TMEM209: variants seen among roughly 807,000 people sequenced by gnomAD.
The protein encoded by TMEM209 is transmembrane protein 209.
Under a neutral mutation model 76.2 loss-of-function variants are expected in TMEM209, and 65 were observed. The observed-to-expected ratio is 0.85, with a 90% CI of 0.70 to 1.05. TMEM209 has a LOEUF of 1.05. Ranked by LOEUF, TMEM209 falls within the 50% of genes least tolerant of loss-of-function variation. TMEM209 has a pLI of 0.00. For synonymous variants in TMEM209, 239 were observed against 237.6 expected (o/e 1.01, Z -0.06); for missense variants, 623 against 685.5 (o/e 0.91, Z 1.02).
In TMEM209 at chr7:130,192,446, C is replaced by T. The variant is rs1423124039; in HGVS notation, c.775+176G>A. ...GATTTCTTAGTTTAGCTATATTTCACTTCCTAAATTTAGTGAACTTAATTC... is the reference window on the plus strand; with the variant it reads ...GATTTCTTAGTTTAGCTATATTTCATTTCCTAAATTTAGTGAACTTAATTC... On this transcript the variant is annotated intron_variant, in intron 6 of 14. Transcript: ENST00000397622. 32 of 596,940 alleles carry T rather than the reference C, an allele frequency of 5.4e-5. No homozygotes were observed. In the East Asian group the frequency reaches 9.1e-4, roughly 17 times the overall value. 37.0% of individuals were successfully genotyped at this position (596,940 alleles called of 1,614,324 possible).
intron 5 of TMEM209, 173 bp downstream of exon 5, chr7:130,201,677 C>T: frequency 1.2e-6 from 1 of 808,304 alleles, no homozygotes; most frequent in South Asian, 1.9e-5. Flanking sequence ...TTTTCTCTTT[C>T]ATTTTAAGAT....
At chr7:130,169,508 T>C (rs1004960478) in intron 14 of TMEM209, among the ~76,000 whole-genome samples, 20 of 152,362 alleles carry the variant, frequency 1.3e-4, no homozygotes, top group African/African-American at 4.6e-4. Flanking sequence ...TTTTGGGGGC[T>C]GTGTCTTTGA....
intron 13 of TMEM209, among the ~76,000 whole-genome samples, chr7:130,171,592 C>T (rs1473739080): frequency 6.6e-6 from 1 of 152,144 alleles, no homozygotes; most frequent in Non-Finnish European, 1.5e-5. Context: ...AAATATTAAA[C>T]TTGAAGAAAT....
intron 14 of TMEM209, 94 bp downstream of exon 14, chr7:130,170,306 A>C: frequency 9.7e-7 from 1 of 1,034,082 alleles, no homozygotes; most frequent in South Asian, 1.5e-5. Flanking sequence ...CAATCCATAA[A>C]CCTTCAGTTA....
At chr7:130,170,208 T>C (rs1451237366) in intron 14 of TMEM209, among the ~76,000 whole-genome samples, 192 bp downstream of exon 14, 1 of 152,260 alleles carries the variant, frequency 6.6e-6, no homozygotes, top group Non-Finnish European at 1.5e-5. Flanking sequence ...CACTTGCCTT[T>C]TACCAATGGG....
intron 6 of TMEM209, among the ~76,000 whole-genome samples, chr7:130,191,093 G>A (rs986362121): frequency 3.3e-5 from 5 of 151,722 alleles, no homozygotes; most frequent in African/African-American, 4.8e-5. Flanking sequence ...CTTAATTTTC[G>A]AAAACCCATG....
At position 130,192,359 on chromosome 7, in the gene TMEM209, C is replaced by A. The variant is rs371031137; in HGVS notation, c.775+263G>T. The stretch of plus-strand genomic sequence containing the variant: ...TCAAAACATTATTTTGTAGCCTCAA[C>A]TTTAAATAGAAATTGTAACTTACAT... On this transcript the variant is annotated intron_variant, in intron 6 of 14. Transcript: ENST00000397622. 32 of 413,962 alleles carry A rather than the reference C, an allele frequency of 7.7e-5. No homozygotes were observed. The Middle Eastern group carries it at 2.9e-3, about 38-fold the overall frequency. 25.6% of individuals were successfully genotyped at this position (413,962 alleles called of 1,614,324 possible). A position where few individuals can be genotyped will look rare whatever the true frequency, so the allele number is the denominator to read the frequency against.
At chr7:130,191,872 A>T (rs1457932260) in intron 6 of TMEM209, among the ~76,000 whole-genome samples, 1 of 152,210 alleles carries the variant, frequency 6.6e-6, no homozygotes, top group Non-Finnish European at 1.5e-5. Flanking sequence ...ATGTATCAAA[A>T]ATAAGAAGAT....
intron 6 of TMEM209, 35 bp from the exon 7 acceptor site, chr7:130,185,402 G>C (rs759312606): frequency 6.3e-7 from 1 of 1,586,452 alleles, no homozygotes; most frequent in Non-Finnish European, 8.6e-7. Flanking sequence ...TCAGTGTGTT[G>C]TAGCAATTCT....
intron 5 of TMEM209, among the ~76,000 whole-genome samples, chr7:130,197,214 A>G (rs1038281037): frequency 6.6e-6 from 1 of 152,250 alleles, no homozygotes; most frequent in Admixed American, 6.5e-5. Flanking sequence ...TATTCCCAAA[A>G]GCCAAAAGGT....
chr7:130,195,434 T>C (rs746820254), intron 5 of TMEM209, among the ~76,000 whole-genome samples: 20 of 152,134 alleles, frequency 1.3e-4, no homozygotes, highest in Non-Finnish European at 2.9e-4. Flanking sequence ...TATATGACTG[T>C]AAGCTATTGA....
At chr7:130,192,546 T>A in intron 6 of TMEM209, 76 bp downstream of exon 6, 1 of 1,254,628 alleles carries the variant, frequency 8.0e-7, no homozygotes, top group Non-Finnish European at 1.1e-6. Flanking sequence ...AGTATGGATA[T>A]TAAAATAATG....
chr7:130,177,235 CAG>C (rs1283558487), intron 10 of TMEM209, among the ~76,000 whole-genome samples: 3 of 151,464 alleles, frequency 2.0e-5, no homozygotes, highest in African/African-American at 7.3e-5. Flanking sequence ...CCTGTAATCC[CAG>C]CTACTCAGGA....
chr7:130,175,389 G>C (rs1015387491), intron 11 of TMEM209, 123 bp downstream of exon 11: 67 of 854,084 alleles, frequency 7.8e-5, no homozygotes, highest in Non-Finnish European at 1.4e-5. Flanking sequence ...TGAGCCCTGG[G>C]AGATCAAAGC....
rs1299106362 is a variant in TMEM209 at position 130,165,734 on chromosome 7, T to C, written c.*717A>G. 2 of 151,788 alleles carry C rather than the reference T, an allele frequency of 1.3e-5. No individual in the cohort carries two copies. Among genetic ancestry groups the C allele is most frequent in the African/African-American group, 4.8e-5 (2 of 41,336 alleles). The allele number at this position is 151,788 out of a possible 1,614,324, so 9.4% of individuals were successfully genotyped here. A position where few individuals can be genotyped will look rare whatever the true frequency, so the allele number is the denominator to read the frequency against. On this transcript the variant is annotated 3_prime_UTR_variant, in exon 15 of 15. Transcript: ENST00000397622. ...AAAAAAAAAACTAAATCAGCAATTT[T>C]CTTACTTTCTAAGTACTTACACTGT...
intron 5 of TMEM209, among the ~76,000 whole-genome samples, chr7:130,193,127 A>G (rs2117015843): frequency 6.6e-6 from 1 of 152,294 alleles, no homozygotes; most frequent in East Asian, 1.9e-4. Context: ...GCCACACACA[A>G]ACCTGTATGT....
rs17854938 is a variant in TMEM209 at position 130,173,675 on chromosome 7, T to C, written c.1514A>G (p.His505Arg). The change falls in exon 13 of 15, where the codon CAT becomes CGT. Residue 505 changes from histidine (H) to arginine (R), a missense_variant. Coordinates refer to ENST00000397622, the MANE Select transcript of TMEM209 (RefSeq NM_032842.4). ...CIYQSAINPP[H>R]YELIYQRHVY... ...ATGACGCTGGTAGATGAGCTCATAA[T>C]GGGGAGGGTTGATAGCACTCTGATA... is the stretch of plus-strand genomic sequence containing the variant. 1 of 1,613,758 alleles carries C rather than the reference T, an allele frequency of 6.2e-7. No homozygotes were observed. Among genetic ancestry groups the C allele is most frequent in the East Asian group, 2.2e-5 (1 of 44,866 alleles).
intron 7 of TMEM209, 99 bp from the exon 8 acceptor site, chr7:130,184,354 G>A: frequency 1.1e-6 from 1 of 902,514 alleles, no homozygotes; most frequent in Non-Finnish European, 1.6e-6. Flanking sequence ...AATGAACTTT[G>A]AAAAAAAATT....
rs371860830 is a variant in TMEM209, at chr7:130,185,184, C to T, written c.951+8G>A. 3.7e-6 allele frequency: 6 copies of T among 1,604,956 alleles called. No individual in the cohort carries two copies. The highest frequency in any genetic ancestry group is 5.1e-6 in the Non-Finnish European group (6 of 1,174,800). ...ATAAATATTAAGTCACTTTTATTTT[C>T]CACTTACCTCTTCTGCGGCTTGTTT... On this transcript the variant is annotated splice_region_variant and intron_variant, in intron 7 of 14. Transcript: ENST00000397622.
Sources: allele counts gnomAD v4.1 joint callset (sites outside exome capture counted in the v4.1 genomes callset), GRCh38; gene constraint gnomAD v4.1.1; transcripts MANE v1.5; gene names NCBI Gene and HGNC (gene_info 2026-07-23, HGNC 2026-07-21).